ARHGAP32: variants seen among roughly 807,000 people sequenced by gnomAD.
ARHGAP32 encodes the protein rho GTPase-activating protein 32.
In ARHGAP32, 51 loss-of-function variants were observed where a neutral mutation model predicts 186.5. That is an observed-to-expected ratio of 0.27 (90% CI 0.22 to 0.35). ARHGAP32 has a LOEUF of 0.35. ARHGAP32 is among the 10% of genes least tolerant of loss of function. ARHGAP32 has a pLI of 1.00. For synonymous variants in ARHGAP32, 950 were observed against 964.3 expected, an observed-to-expected ratio of 0.99 and a Z score of 0.27; for missense variants, 2,186 against 2,623.5, an observed-to-expected ratio of 0.83 and a Z score of 3.64.
At chr11:129,193,716 ATTATATATT>A, upstream of ARHGAP32, among the ~76,000 whole-genome samples, 1 of 43,844 alleles carries the variant, frequency 2.3e-5, no homozygotes. Flanking sequence ...TATATTATAT[ATTATATATT>A]ATATATAATA....
At chr11:129,184,977 A>T (rs2135540636) in intron 1 of ARHGAP32, among the ~76,000 whole-genome samples, 1 of 152,294 alleles carries the variant, frequency 6.6e-6, no homozygotes, top group Admixed American at 6.5e-5. Context: ...AGCAACATAA[A>T]CACTAAACAA....
At chr11:129,074,429 T>C (rs1940972196) in intron 6 of ARHGAP32, among the ~76,000 whole-genome samples, 1 of 152,196 alleles carries the variant, frequency 6.6e-6, no homozygotes, top group Non-Finnish European at 1.5e-5. Context: ...GTATAATTAT[T>C]TGAAAGTGAA....
rs562657039 is a variant in ARHGAP32, at chr11:129,088,363, C to T, written c.531+5258G>A. 2.2e-4 allele frequency among the ~76,000 whole-genome samples: 33 copies of T among 152,192 alleles called. No homozygotes were observed. The South Asian group carries it at 4.8e-3, about 22-fold the overall frequency. ...TTGGGAGGCCAAGGTGGGTGGATCACGAGGTCAGGAGTTCAAGACCATCTT... is the reference window on the plus strand; with the variant it reads ...TTGGGAGGCCAAGGTGGGTGGATCATGAGGTCAGGAGTTCAAGACCATCTT... On this transcript the variant is annotated intron_variant, in intron 6 of 22. Coordinates refer to ENST00000682385, the MANE Select transcript of ARHGAP32 (RefSeq NM_001378024.1).
At chr11:129,191,659 C>T (rs1405661752) in intron 1 of ARHGAP32, among the ~76,000 whole-genome samples, 2 of 94,438 alleles carry the variant, frequency 2.1e-5, no homozygotes, top group Non-Finnish European at 5.1e-5. Context: ...AGCAGGCAGG[C>T]AGGCAGGCAC....
At chr11:129,044,663 A>C (rs1457226499) in intron 10 of ARHGAP32, among the ~76,000 whole-genome samples, 1 of 147,458 alleles carries the variant, frequency 6.8e-6, no homozygotes, top group African/African-American at 2.5e-5. Context: ...ATTCTTTCTA[A>C]AACATTCTAA....
chr11:129,266,812 T>A (rs542898654), intron 1 of ARHGAP32, among the ~76,000 whole-genome samples: 36 of 152,260 alleles, frequency 2.4e-4, no homozygotes, highest in African/African-American at 7.9e-4. Context: ...GATGTGCCCA[T>A]CTGCAGCCTA....
At chr11:129,051,496 T>G (rs887121437) in intron 10 of ARHGAP32, among the ~76,000 whole-genome samples, 2 of 152,232 alleles carry the variant, frequency 1.3e-5, no homozygotes, top group African/African-American at 2.4e-5. Flanking sequence ...GTTTGTTTTC[T>G]TGTAAATTTG....
At chr11:129,181,175 C>T (rs865826720) in intron 1 of ARHGAP32, among the ~76,000 whole-genome samples, 10 of 152,034 alleles carry the variant, frequency 6.6e-5, no homozygotes, top group African/African-American at 2.2e-4. Context: ...TATTCTTCGC[C>T]AAATTTGGTT....
chr11:128,983,112 A>T (rs1335577706), intron 15 of ARHGAP32, among the ~76,000 whole-genome samples: 1 of 152,248 alleles, frequency 6.6e-6, no homozygotes, highest in African/African-American at 2.4e-5. Flanking sequence ...TTTAATTCTC[A>T]TAATAGCTCT....
chr11:129,066,004 C>T (rs952738813), intron 7 of ARHGAP32, among the ~76,000 whole-genome samples: 6 of 152,116 alleles, frequency 3.9e-5, no homozygotes, highest in African/African-American at 9.7e-5. Flanking sequence ...ATCCTATATT[C>T]GTTTACAACA....
intron 1 of ARHGAP32, among the ~76,000 whole-genome samples, chr11:129,269,101 T>C (rs573282208): frequency 6.6e-6 from 1 of 152,026 alleles, no homozygotes; most frequent in African/African-American, 2.4e-5. Context: ...TGAAACCCCA[T>C]CTCTATTTAA....
intron 2 of ARHGAP32, among the ~76,000 whole-genome samples, chr11:129,143,123 T>C (rs891523498): frequency 3.7e-5 from 5 of 135,868 alleles, no homozygotes; most frequent in Admixed American, 7.3e-5. Context: ...GATACAAAAT[T>C]TGTGCTGTCA....
intron 1 of ARHGAP32, among the ~76,000 whole-genome samples, chr11:129,274,278 C>T (rs1264366531): frequency 1.3e-5 from 2 of 152,172 alleles, no homozygotes; most frequent in East Asian, 1.9e-4. Context: ...AGATAGGAAA[C>T]GTCTGGTTTG....
At chr11:129,067,061 T>C (rs149413237) in intron 6 of ARHGAP32, among the ~76,000 whole-genome samples, 193 bp from the exon 7 acceptor site, 36 of 152,050 alleles carry the variant, frequency 2.4e-4, no homozygotes, top group African/African-American at 7.2e-4. Context: ...AGGCCAATAA[T>C]TGAAAATAAG....
chr11:129,217,873 G>A (rs1433526304), intron 1 of ARHGAP32, among the ~76,000 whole-genome samples: 1 of 152,108 alleles, frequency 6.6e-6, no homozygotes. Context: ...AATCCCAAAC[G>A]TGGTGATTAC....
chr11:129,163,188 G>A (rs1019193425), intron 2 of ARHGAP32, among the ~76,000 whole-genome samples: 1 of 152,254 alleles, frequency 6.6e-6, no homozygotes, highest in Middle Eastern at 3.4e-3. Context: ...TGCTGTGCCT[G>A]AGTGAAAGAC....
intron 11 of ARHGAP32, among the ~76,000 whole-genome samples, chr11:128,999,456 G>A (rs55950558): frequency 0.059 from 8,939 of 152,138 alleles, 381 homozygotes; most frequent in Middle Eastern, 0.082. Flanking sequence ...CTGTGATCTC[G>A]CTCTGCCCCC....
chr11:129,088,475 GA>G (rs1941475553), intron 6 of ARHGAP32, among the ~76,000 whole-genome samples: 1 of 152,094 alleles, frequency 6.6e-6, no homozygotes, highest in African/African-American at 2.4e-5. Context: ...AGATACTCGG[GA>G]GGCTGAGGCA....
At chr11:129,108,512 T>C (rs1224027921) in intron 5 of ARHGAP32, among the ~76,000 whole-genome samples, 5 of 149,520 alleles carry the variant, frequency 3.3e-5, no homozygotes, top group Admixed American at 6.6e-5. Context: ...AAGGGAGAAA[T>C]AGGCAGTTCT....
Sources: allele counts gnomAD v4.1 joint callset (sites outside exome capture counted in the v4.1 genomes callset), GRCh38; gene constraint gnomAD v4.1.1; transcripts MANE v1.5; gene names NCBI Gene and HGNC (gene_info 2026-07-23, HGNC 2026-07-21).